GFRA2: variants seen among roughly 807,000 people sequenced by gnomAD.
GFRA2 encodes GDNF family receptor alpha-2.
In GFRA2, 17 loss-of-function variants were observed where a neutral mutation model predicts 48.3. That is an observed-to-expected ratio of 0.35 (90% CI 0.24 to 0.53). The LOEUF (loss-of-function observed/expected upper bound fraction) is 0.53, where lower values mean the gene tolerates loss of function less well. Among genes scored for constraint, GFRA2 ranks in the 20% least tolerant of loss-of-function variants. GFRA2 has a pLI of 0.93. For missense variants in GFRA2, 660 were observed against 637.3 expected, an observed-to-expected ratio of 1.04 and a Z score of -0.38; for synonymous variants, 305 against 257.2, an observed-to-expected ratio of 1.19 and a Z score of -1.78.
chr8:21,727,916 C>G (rs1402464091), intron 4 of GFRA2, among the ~76,000 whole-genome samples: 2 of 149,958 alleles, frequency 1.3e-5, no homozygotes, highest in African/African-American at 2.5e-5. Flanking sequence ...TGTGTAGATG[C>G]ACCGTGCAGA....
At chr8:21,786,181 C>G (rs928460676) in intron 1 of GFRA2, among the ~76,000 whole-genome samples, 2 of 152,204 alleles carry the variant, frequency 1.3e-5, no homozygotes, top group African/African-American at 2.4e-5. Flanking sequence ...GGTTGGGCCT[C>G]TCTGGTCATC....
At chr8:21,759,520 A>G (rs1405213466) in intron 3 of GFRA2, among the ~76,000 whole-genome samples, 3 of 148,528 alleles carry the variant, frequency 2.0e-5, no homozygotes, top group African/African-American at 7.4e-5. Context: ...GAAGGAAGGA[A>G]GGAAGGAAGG....
intron 4 of GFRA2, among the ~76,000 whole-genome samples, chr8:21,710,973 C>T (rs73669522): frequency 3.9e-4 from 59 of 152,314 alleles, no homozygotes; most frequent in African/African-American, 1.3e-3. Flanking sequence ...ATCAAGTCCA[C>T]AGCAGTGGGC....
rs373215679 is a variant in GFRA2, at chr8:21,785,154, G to T, written c.41-2255C>A. ...CACAGAATTCACCGCGTGCTTAAAG[G>T]TCAGAAGATTAGCCCAGGGGATTCA... On this transcript the variant is annotated intron_variant, in intron 1 of 8. Coordinates refer to ENST00000524240, the MANE Select transcript of GFRA2 (RefSeq NM_001495.5). 2.4e-4 allele frequency among the ~76,000 whole-genome samples: 37 copies of T among 152,218 alleles called. 3 individuals are homozygous for T. Among genetic ancestry groups the T allele is most frequent in the Admixed American group, 2.0e-3 (31 of 15,290 alleles).
intron 1 of GFRA2, among the ~76,000 whole-genome samples, chr8:21,805,677 A>G (rs1807847346): frequency 6.6e-6 from 1 of 152,200 alleles, no homozygotes; most frequent in South Asian, 2.1e-4. Flanking sequence ...TCCAGAGCCC[A>G]CATCTCCTGT....
At chr8:21,742,381 G>C (rs1223685684) in intron 4 of GFRA2, among the ~76,000 whole-genome samples, 1 of 152,118 alleles carries the variant, frequency 6.6e-6, no homozygotes, top group Non-Finnish European at 1.5e-5. Context: ...GACCATACGA[G>C]GACGTAACCA....
chr8:21,694,542 G>A, intron 7 of GFRA2, 25 bp from the exon 8 acceptor site: 1 of 1,602,958 alleles, frequency 6.2e-7, no homozygotes, highest in Non-Finnish European at 8.5e-7. Context: ...GTGCCAGTCA[G>A]GACGAGTCAC....
chr8:21,784,353 T>C, intron 1 of GFRA2: 4 of 455,018 alleles, frequency 8.8e-6, no homozygotes, highest in South Asian at 4.7e-5. Flanking sequence ...ACCGAAAGAG[T>C]AATTTGGGAG....
At chr8:21,772,665 C>A (rs1278208254) in intron 3 of GFRA2, among the ~76,000 whole-genome samples, 1 of 152,190 alleles carries the variant, frequency 6.6e-6, no homozygotes, top group African/African-American at 2.4e-5. Flanking sequence ...CCCTGGAGCA[C>A]AGAAACCCAG....
intron 4 of GFRA2, among the ~76,000 whole-genome samples, chr8:21,742,899 G>C (rs529186873): frequency 1.3e-5 from 2 of 152,312 alleles, no homozygotes; most frequent in Non-Finnish European, 2.9e-5. Context: ...AGAGAAGCCT[G>C]TAAAGTTAAG....
At chr8:21,780,113 A>C (rs1806906042) in intron 2 of GFRA2, among the ~76,000 whole-genome samples, 1 of 151,650 alleles carries the variant, frequency 6.6e-6, no homozygotes, top group Admixed American at 6.6e-5. Flanking sequence ...AATTCTGGAA[A>C]GAGTCATCTG....
chr8:21,804,633 G>A (rs1807828017), intron 2 of GFRA2, among the ~76,000 whole-genome samples: 1 of 152,142 alleles, frequency 6.6e-6, no homozygotes, highest in African/African-American at 2.4e-5. Context: ...CCCACGCTCT[G>A]TTTGGCAGCT....
rs1285339443 is a variant in GFRA2, at chr8:21,705,961, G to A, written c.875C>T (p.Ala292Val). 3.8e-6 allele frequency: 6 copies of A among 1,573,058 alleles called. No individual in the cohort carries two copies. The highest frequency in any genetic ancestry group is 4.3e-6 in the Non-Finnish European group (5 of 1,158,368). The change falls in exon 5 of 9, where the codon GCG becomes GTG. Residue 292 changes from alanine to valine, a missense_variant. Physicochemically the swap from Ala to Val is moderately conservative, Grantham distance 64. Transcript: ENST00000524240. ...VTSCPADNYQ[A>V]CLGSYAGMIG... ...CATGCCAGCATAAGAGCCCAGACAC[G>A]CCTGGTAATTGTCCGCAGGGCAGCT...
chr8:21,692,725 C>T lies in GFRA2; in HGVS notation c.*553G>A, dbSNP rs995224739. Reference sequence around the variant, plus strand: ...GAAGTTCCCACACCAGCTGCAGACCCACCAGCCCCACCCGAGGGCAGAGAG... The same window carrying T: ...GAAGTTCCCACACCAGCTGCAGACCTACCAGCCCCACCCGAGGGCAGAGAG... On this transcript the variant is annotated 3_prime_UTR_variant, in exon 9 of 9. Transcript: ENST00000524240. 6.6e-6 allele frequency: 1 copy of T among 152,664 alleles called. No homozygotes were observed. Among genetic ancestry groups the T allele is most frequent in the African/African-American group, 2.4e-5 (1 of 41,474 alleles). The allele number at this position is 152,664 out of a possible 1,614,324, so 9.5% of individuals were successfully genotyped here.
At chr8:21,764,396 C>T (rs1360869803) in intron 3 of GFRA2, among the ~76,000 whole-genome samples, 1 of 152,236 alleles carries the variant, frequency 6.6e-6, no homozygotes, top group Non-Finnish European at 1.5e-5. Flanking sequence ...CCAAAGGCCC[C>T]ACTTCCTAAA....
intron 3 of GFRA2, among the ~76,000 whole-genome samples, chr8:21,758,386 G>A (rs1398345518): frequency 6.6e-6 from 1 of 152,152 alleles, no homozygotes; most frequent in East Asian, 1.9e-4. Flanking sequence ...AAATGTGCCT[G>A]TGGGCAGAAA....
At chr8:21,776,976 A>C (rs1806737806) in intron 2 of GFRA2, among the ~76,000 whole-genome samples, 1 of 152,208 alleles carries the variant, frequency 6.6e-6, no homozygotes, top group Admixed American at 6.5e-5. Flanking sequence ...CTTTTACAAT[A>C]AAAATAATGT....
At chr8:21,769,509 G>A (rs1806344942) in intron 3 of GFRA2, among the ~76,000 whole-genome samples, 1 of 152,214 alleles carries the variant, frequency 6.6e-6, no homozygotes, top group Non-Finnish European at 1.5e-5. Context: ...CCACCTTACA[G>A]ATAAGAAACA....
intron 2 of GFRA2, among the ~76,000 whole-genome samples, chr8:21,778,977 G>C (rs1438959615): frequency 6.6e-6 from 1 of 151,924 alleles, no homozygotes; most frequent in African/African-American, 2.4e-5. Flanking sequence ...GAGACACAAG[G>C]ATTGCTTGAG....
Sources: gnomAD v4.1 joint callset for allele counts (sites outside exome capture counted in the v4.1 genomes callset) on GRCh38, gnomAD v4.1.1 for gene constraint, MANE v1.5 for transcripts, NCBI Gene and HGNC (gene_info 2026-07-23, HGNC 2026-07-21) for gene names.